SEL1L: variants seen among roughly 807,000 people sequenced by gnomAD.
SEL1L encodes protein sel-1 homolog 1.
Under a neutral mutation model 109.8 loss-of-function variants are expected in SEL1L, and 52 were observed. The ratio of observed to expected loss-of-function variants is 0.47; its 90% CI spans 0.38 to 0.60. SEL1L has a LOEUF of 0.60. SEL1L is among the 20% of genes least tolerant of loss of function. SEL1L has a pLI of 0.00. For synonymous variants in SEL1L, 373 were observed against 339.6 expected (o/e 1.10, Z -1.08); for missense variants, 749 against 962.2 (o/e 0.78, Z 2.93).
At chr14:81,489,006 G>A in intron 14 of SEL1L, 1 of 516,408 alleles carries the variant, frequency 1.9e-6, no homozygotes, top group South Asian at 2.6e-5. Context: ...AGCAGAGATG[G>A]AAGAACAAGA....
At chr14:81,520,659 T>C (rs765775375) in intron 3 of SEL1L, among the ~76,000 whole-genome samples, 6 of 152,120 alleles carry the variant, frequency 3.9e-5, no homozygotes, top group African/African-American at 1.2e-4. Flanking sequence ...CAAATCACCT[T>C]AGAAATATGG....
intron 19 of SEL1L, among the ~76,000 whole-genome samples, chr14:81,480,578 G>C (rs1429103403): frequency 2.0e-5 from 3 of 152,188 alleles, no homozygotes; most frequent in African/African-American, 7.2e-5. Context: ...AATTAGCTGG[G>C]TGTGGTGGCG....
At position 81,476,879 on chromosome 14, in the gene SEL1L, G is replaced by A; in HGVS notation, c.*93C>T. ...CCTTGTGCCGTGCCTCTTCTGGGAG[G>A]TGACCACTGATCCAAGGTCCTAAAT... On this transcript the variant is annotated 3_prime_UTR_variant, in exon 21 of 21. Coordinates refer to ENST00000336735, the MANE Select transcript of SEL1L (RefSeq NM_005065.6). 7.8e-7 allele frequency: 1 copy of A among 1,279,378 alleles called. No individual in the cohort carries two copies. The highest frequency in any genetic ancestry group is 1.1e-6 in the Non-Finnish European group (1 of 917,316). 79.3% of individuals were successfully genotyped at this position (1,279,378 alleles called of 1,614,324 possible).
Position 81,533,844 on chromosome 14 carries a change from CTA to C in SEL1L, c.-102_-101del. The C allele has an allele frequency of 8.1e-7, 1 of 1,235,584 alleles. No individual in the cohort carries two copies. The allele number at this position is 1,235,584 out of a possible 1,614,324, so 76.5% of individuals were successfully genotyped here. On this transcript the variant is annotated 5_prime_UTR_variant, in exon 1 of 21. Transcript: ENST00000336735. ...CCGCCTCGCCGCTGCTCTTCCTGCT[CTA>C]GTCTCCTTCCTCCGCCCCTTCCCAG... is the stretch of plus-strand genomic sequence containing the variant.
chr14:81,497,029 G>A (rs1883789712), intron 10 of SEL1L, among the ~76,000 whole-genome samples: 1 of 152,100 alleles, frequency 6.6e-6, no homozygotes, highest in African/African-American at 2.4e-5. Context: ...CCAAAAAAGG[G>A]CAAGAAAGGA....
At position 81,522,065 on chromosome 14, in the gene SEL1L, T is replaced by C. The variant is rs554411990; in HGVS notation, c.340+4668A>G. 3.3e-5 allele frequency among the ~76,000 whole-genome samples: 5 copies of C among 152,286 alleles called. No homozygotes were observed. The South Asian group carries it at 1.0e-3, about 32-fold the overall frequency. On this transcript the variant is annotated intron_variant, in intron 3 of 20. Transcript: ENST00000336735. ...AAAACAGCTTATAGAATAAGGATAA[T>C]ATATAAAGAAAATATTTTTGTATAG...
At chr14:81,492,813 TACA>T (rs1202119420) in intron 11 of SEL1L, among the ~76,000 whole-genome samples, 4 of 152,218 alleles carry the variant, frequency 2.6e-5, no homozygotes, top group African/African-American at 7.2e-5. Context: ...AAACGTAAGG[TACA>T]ACAAGCCTCC....
intron 3 of SEL1L, among the ~76,000 whole-genome samples, chr14:81,513,209 A>T (rs899732056): frequency 6.6e-6 from 1 of 152,248 alleles, no homozygotes; most frequent in African/African-American, 2.4e-5. Context: ...AAATGGACCA[A>T]TTAGCAGGAC....
intron 2 of SEL1L, 144 bp downstream of exon 2, chr14:81,527,557 A>G: frequency 1.9e-6 from 1 of 531,940 alleles, no homozygotes; most frequent in Non-Finnish European, 3.2e-6. Context: ...AACTAGAACT[A>G]ATACTAATAC....
intron 19 of SEL1L, among the ~76,000 whole-genome samples, chr14:81,483,755 A>C (rs908679561): frequency 7.9e-5 from 12 of 152,200 alleles, no homozygotes; most frequent in Non-Finnish European, 1.6e-4. Context: ...AAAAATGTAC[A>C]AGGGGGTCTG....
chr14:81,512,489 GC>G (rs1326805633), intron 3 of SEL1L, among the ~76,000 whole-genome samples: 12 of 152,192 alleles, frequency 7.9e-5, no homozygotes. Context: ...AAATGCTTCT[GC>G]TCTTCTGATG....
At chr14:81,521,077 A>G (rs905878452) in intron 3 of SEL1L, among the ~76,000 whole-genome samples, 7 of 152,232 alleles carry the variant, frequency 4.6e-5, no homozygotes, top group African/African-American at 1.4e-4. Flanking sequence ...CTAGGTTAGG[A>G]TCTCTGATTC....
At chr14:81,510,549 G>A (rs1219618690) in intron 3 of SEL1L, among the ~76,000 whole-genome samples, 1 of 145,552 alleles carries the variant, frequency 6.9e-6, no homozygotes, top group Non-Finnish European at 1.5e-5. Flanking sequence ...AAGGCTAGGG[G>A]AATATAAGCA....
intron 11 of SEL1L, among the ~76,000 whole-genome samples, chr14:81,493,091 T>C (rs1027188993): frequency 4.6e-5 from 7 of 152,228 alleles, no homozygotes; most frequent in African/African-American, 1.2e-4. Flanking sequence ...CTCAACTGTA[T>C]TGCAGCCCAT....
At chr14:81,527,229 A>G (rs1885148148) in intron 2 of SEL1L, among the ~76,000 whole-genome samples, 1 of 152,006 alleles carries the variant, frequency 6.6e-6, no homozygotes, top group Non-Finnish European at 1.5e-5. Context: ...TTTCCTCCAC[A>G]TGCCCCCAAC....
At chr14:81,514,010 C>T (rs1884596580) in intron 3 of SEL1L, among the ~76,000 whole-genome samples, 3 of 152,216 alleles carry the variant, frequency 2.0e-5, no homozygotes, top group South Asian at 2.1e-4. Context: ...CTTCCTCTCG[C>T]CTCTCTTCTC....
intron 1 of SEL1L, among the ~76,000 whole-genome samples, chr14:81,528,572 T>C (rs1393817103): frequency 7.2e-5 from 11 of 152,160 alleles, no homozygotes; most frequent in Non-Finnish European, 1.5e-5. Context: ...AATGTTCAGA[T>C]GGAAATGCTT....
rs1379822644 is a variant in SEL1L at position 81,503,211 on chromosome 14, C to T, written c.615-328G>A. Among the ~76,000 whole-genome samples, 11 of 152,216 alleles carry T rather than the reference C, an allele frequency of 7.2e-5. No homozygotes were observed. The East Asian group carries it at 1.7e-3, about 24-fold the overall frequency. On this transcript the variant is annotated intron_variant, in intron 5 of 20. Coordinates refer to ENST00000336735, the MANE Select transcript of SEL1L (RefSeq NM_005065.6). Reference sequence around the variant, plus strand: ...TTCACCATGTTGGTCAGGCTGATCTCGAACTCCTGGTCACCTCAGCCTCCC... The same window carrying T: ...TTCACCATGTTGGTCAGGCTGATCTTGAACTCCTGGTCACCTCAGCCTCCC...
At chr14:81,526,509 T>C (rs1457283401) in intron 3 of SEL1L, among the ~76,000 whole-genome samples, 1 of 152,206 alleles carries the variant, frequency 6.6e-6, no homozygotes, top group Non-Finnish European at 1.5e-5. Context: ...AAAAGATAAA[T>C]GCAATCTCAT....
Sources: gnomAD v4.1 joint callset for allele counts (sites outside exome capture counted in the v4.1 genomes callset) on GRCh38, gnomAD v4.1.1 for gene constraint, MANE v1.5 for transcripts, NCBI Gene and HGNC (gene_info 2026-07-23, HGNC 2026-07-21) for gene names.